Variants in GABRB1 observed in about 807,000 individuals in gnomAD.
GABRB1 encodes the protein gamma-aminobutyric acid receptor subunit beta-1.
A neutral mutation model predicts 51.6 loss-of-function variants in GABRB1; 17 were observed. That is an observed-to-expected ratio of 0.33 (90% confidence interval 0.23 to 0.49). The LOEUF is 0.49. GABRB1 is among the 20% of genes least tolerant of loss of function. The pLI, the probability that GABRB1 is intolerant of heterozygous loss-of-function variation, is 0.99. For missense variants in GABRB1, 410 were observed against 600.6 expected, an observed-to-expected ratio of 0.68 and a Z score of 3.32; for synonymous variants, 247 against 218.9, an observed-to-expected ratio of 1.13 and a Z score of -1.14.
intron 5 of GABRB1, among the ~76,000 whole-genome samples, chr4:47,382,967 G>T (rs6857407): frequency 0.03 from 4,516 of 152,220 alleles, 241 homozygotes; most frequent in African/African-American, 0.1. Context: ...TTAAAACACA[G>T]ACATTAATGT....
chr4:47,119,224 G>A (rs1577923784), intron 3 of GABRB1, among the ~76,000 whole-genome samples: 1 of 151,878 alleles, frequency 6.6e-6, no homozygotes, highest in Middle Eastern at 3.4e-3. Context: ...GGGAATCAAT[G>A]GCAAATATAC....
intron 1 of GABRB1, among the ~76,000 whole-genome samples, chr4:47,012,147 C>T (rs1577823668): frequency 6.6e-6 from 1 of 152,158 alleles, no homozygotes; most frequent in Middle Eastern, 3.4e-3. Flanking sequence ...AAAATAAATA[C>T]CATGTAACAT....
intron 4 of GABRB1, among the ~76,000 whole-genome samples, chr4:47,288,176 TG>T (rs974952340): frequency 2.0e-4 from 31 of 152,210 alleles, no homozygotes; most frequent in African/African-American, 6.0e-4. Flanking sequence ...CACAGAACAC[TG>T]GTGTAGTATG....
chr4:47,078,343 A>T (rs568697057), intron 3 of GABRB1, among the ~76,000 whole-genome samples: 34 of 152,232 alleles, frequency 2.2e-4, no homozygotes, highest in African/African-American at 7.0e-4. Context: ...GACTAAGCAC[A>T]GTTATAGGCT....
intron 5 of GABRB1, among the ~76,000 whole-genome samples, chr4:47,369,745 C>G (rs1727120829): frequency 1.3e-5 from 2 of 152,134 alleles, no homozygotes; most frequent in South Asian, 4.1e-4. Context: ...AGAACCTCTT[C>G]AGGCCTAATC....
intron 3 of GABRB1, among the ~76,000 whole-genome samples, chr4:47,036,009 T>G (rs868723809): frequency 6.6e-6 from 1 of 152,088 alleles, no homozygotes; most frequent in Non-Finnish European, 1.5e-5. Context: ...CTAGAAGACC[T>G]TACATCGAAT....
At chr4:47,001,919 G>C (rs977426948) in intron 1 of GABRB1, among the ~76,000 whole-genome samples, 1 of 152,136 alleles carries the variant, frequency 6.6e-6, no homozygotes, top group Non-Finnish European at 1.5e-5. Context: ...GTTCCAAAAA[G>C]TGATATGAAA....
chr4:47,319,153 T>C (rs1374530147), intron 4 of GABRB1, among the ~76,000 whole-genome samples: 2 of 152,246 alleles, frequency 1.3e-5, no homozygotes, highest in African/African-American at 4.8e-5. Context: ...TGTGGGCATT[T>C]GTGTTGTTTT....
chr4:47,407,240 A>T (rs145403097), intron 8 of GABRB1, among the ~76,000 whole-genome samples: 3 of 152,236 alleles, frequency 2.0e-5, no homozygotes, highest in Non-Finnish European at 4.4e-5. Context: ...GTGAATATAC[A>T]TTGCATTCCT....
chr4:47,325,968 G>A (rs1725243793), intron 5 of GABRB1, among the ~76,000 whole-genome samples: 1 of 152,182 alleles, frequency 6.6e-6, no homozygotes, highest in Admixed American at 6.5e-5. Context: ...TGGGAAAACA[G>A]TAGTCCCCAC....
At chr4:47,205,600 G>A (rs562010793) in intron 4 of GABRB1, among the ~76,000 whole-genome samples, 2 of 152,196 alleles carry the variant, frequency 1.3e-5, no homozygotes, top group South Asian at 4.2e-4. Flanking sequence ...TGTAGGTCAT[G>A]CTCTCAGATT....
intron 2 of GABRB1, 122 bp downstream of exon 2, chr4:47,032,127 GGCACAC>G (rs1198688805): frequency 1.1e-4 from 66 of 580,440 alleles, no homozygotes; most frequent in African/African-American, 8.2e-4. Flanking sequence ...CTATACCCTG[GGCACAC>G]ACACACACAC....
chr4:47,015,346 C>T (rs1264089545), intron 1 of GABRB1, among the ~76,000 whole-genome samples: 4 of 152,088 alleles, frequency 2.6e-5, no homozygotes, highest in African/African-American at 4.8e-5. Context: ...TTGAGTATTA[C>T]TGAGAATTTA....
intron 4 of GABRB1, among the ~76,000 whole-genome samples, chr4:47,173,209 AAG>A (rs1718518221): frequency 6.6e-6 from 1 of 152,188 alleles, no homozygotes; most frequent in Non-Finnish European, 1.5e-5. Context: ...AGGATTATTG[AAG>A]AGAGAAATTT....
intron 3 of GABRB1, among the ~76,000 whole-genome samples, chr4:47,112,775 G>T (rs1715284713): frequency 6.6e-6 from 1 of 151,738 alleles, no homozygotes; most frequent in Admixed American, 6.6e-5. Flanking sequence ...ATCCTGCCTT[G>T]TGGAGCTTAT....
intron 8 of GABRB1, among the ~76,000 whole-genome samples, chr4:47,422,681 T>C (rs577019106): frequency 6.6e-6 from 1 of 152,294 alleles, no homozygotes; most frequent in African/African-American, 2.4e-5. Flanking sequence ...CCTAAAATAA[T>C]CTCAGCCCCA....
intron 3 of GABRB1, among the ~76,000 whole-genome samples, chr4:47,154,698 A>G (rs1717614579): frequency 6.6e-6 from 1 of 152,110 alleles, no homozygotes; most frequent in East Asian, 1.9e-4. Flanking sequence ...AGGATACCAA[A>G]GAGAGATCAC....
intron 4 of GABRB1, among the ~76,000 whole-genome samples, chr4:47,192,388 A>G (rs1719471675): frequency 6.6e-6 from 1 of 152,224 alleles, no homozygotes; most frequent in African/African-American, 2.4e-5. Flanking sequence ...TGGTGAATAT[A>G]TATTTTTGTG....
At chr4:47,153,051 G>A (rs1227082488) in intron 3 of GABRB1, among the ~76,000 whole-genome samples, 1 of 151,978 alleles carries the variant, frequency 6.6e-6, no homozygotes, top group Non-Finnish European at 1.5e-5. Flanking sequence ...TTCACGCACG[G>A]AGCTGGTTAC....
Sources: gnomAD v4.1 joint callset for allele counts (sites outside exome capture counted in the v4.1 genomes callset) on GRCh38, gnomAD v4.1.1 for gene constraint, MANE v1.5 for transcripts, NCBI Gene and HGNC (gene_info 2026-07-23, HGNC 2026-07-21) for gene names.